Variants in TTC29 observed in about 807,000 individuals in gnomAD.
TTC29 encodes the protein tetratricopeptide repeat domain 29.
A neutral mutation model predicts 58.1 loss-of-function variants in TTC29; 49 were observed. The ratio of observed to expected loss-of-function variants is 0.84; its 90% CI spans 0.67 to 1.07. The LOEUF (loss-of-function observed/expected upper bound fraction) is 1.07, where lower values mean the gene tolerates loss of function less well. Ranked by LOEUF, TTC29 falls within the 50% of genes least tolerant of loss-of-function variation. The pLI is 0.00. For synonymous variants in TTC29, 209 were observed against 196.8 expected, an observed-to-expected ratio of 1.06 and a Z score of -0.52; for missense variants, 582 against 555.6, an observed-to-expected ratio of 1.05 and a Z score of -0.48.
intron 4 of TTC29, among the ~76,000 whole-genome samples, chr4:146,934,693 G>T (rs1010675915): frequency 1.3e-5 from 2 of 152,156 alleles, no homozygotes; most frequent in Non-Finnish European, 2.9e-5. Context: ...AGCCTGCAAA[G>T]AAGACTGAAG....
intron 2 of TTC29, among the ~76,000 whole-genome samples, chr4:146,941,676 T>G (rs1736406441): frequency 6.6e-6 from 1 of 152,156 alleles, no homozygotes; most frequent in African/African-American, 2.4e-5. Context: ...TAGTGTAATG[T>G]CTTGATGGTT....
chr4:146,708,130 C>T (rs992359093), intron 11 of TTC29, among the ~76,000 whole-genome samples: 2 of 151,752 alleles, frequency 1.3e-5, no homozygotes, highest in Non-Finnish European at 2.9e-5. Context: ...CTTCAATTAA[C>T]GTCCAGACGA....
chr4:146,937,166 G>A (rs1210572339), intron 4 of TTC29, among the ~76,000 whole-genome samples: 1 of 151,908 alleles, frequency 6.6e-6, no homozygotes, highest in African/African-American at 2.4e-5. Context: ...ATGATCCATT[G>A]GTTCTTTTGT....
chr4:146,723,338 T>C (rs1388724040), intron 11 of TTC29, among the ~76,000 whole-genome samples: 4 of 151,862 alleles, frequency 2.6e-5, no homozygotes, highest in Non-Finnish European at 1.5e-5. Flanking sequence ...TGGGAAATAA[T>C]TTATGACTCA....
At chr4:146,843,551 GA>G (rs1221185370) in intron 8 of TTC29, among the ~76,000 whole-genome samples, 1 of 152,056 alleles carries the variant, frequency 6.6e-6, no homozygotes, top group African/African-American at 2.4e-5. Flanking sequence ...TGCAAGACAT[GA>G]GCACTAGTTT....
intron 11 of TTC29, among the ~76,000 whole-genome samples, chr4:146,763,316 A>G (rs985745153): frequency 6.6e-6 from 1 of 152,076 alleles, no homozygotes; most frequent in Non-Finnish European, 1.5e-5. Flanking sequence ...TTGAATGAAG[A>G]ATTTTCCTGA....
intron 7 of TTC29, among the ~76,000 whole-genome samples, chr4:146,870,670 C>T (rs1263310932): frequency 1.3e-5 from 2 of 151,786 alleles, no homozygotes; most frequent in Admixed American, 6.6e-5. Flanking sequence ...TAACTGTAGG[C>T]CTCACAGAAA....
At chr4:146,762,247 C>T (rs1746962438) in intron 11 of TTC29, among the ~76,000 whole-genome samples, 1 of 151,930 alleles carries the variant, frequency 6.6e-6, no homozygotes, top group Admixed American at 6.6e-5. Context: ...TGGCCTGATT[C>T]CCAGGGCCTG....
At chr4:146,923,496 A>C (rs1734731251) in intron 4 of TTC29, among the ~76,000 whole-genome samples, 1 of 151,796 alleles carries the variant, frequency 6.6e-6, no homozygotes, top group Non-Finnish European at 1.5e-5. Context: ...CATGATTAAG[A>C]AAAATAGAAA....
intron 8 of TTC29, among the ~76,000 whole-genome samples, chr4:146,838,674 A>G (rs567866241): frequency 1.3e-5 from 2 of 152,122 alleles, no homozygotes; most frequent in East Asian, 1.9e-4. Flanking sequence ...TCTGAACTGC[A>G]TGAGTCTACT....
At chr4:146,944,677 A>C (rs1008579504) in intron 2 of TTC29, among the ~76,000 whole-genome samples, 2 of 152,214 alleles carry the variant, frequency 1.3e-5, no homozygotes, top group African/African-American at 4.8e-5. Flanking sequence ...ATTATACATC[A>C]TCACGAGTTC....
chr4:146,789,915 A>G (rs993364314), intron 11 of TTC29, among the ~76,000 whole-genome samples: 10 of 152,208 alleles, frequency 6.6e-5, no homozygotes, highest in African/African-American at 2.4e-4. Flanking sequence ...AACTGGAATA[A>G]AATCTAAAGT....
intron 11 of TTC29, among the ~76,000 whole-genome samples, chr4:146,763,406 T>C (rs1012103787): frequency 1.3e-5 from 2 of 152,090 alleles, no homozygotes; most frequent in Non-Finnish European, 1.5e-5. Flanking sequence ...TCCAGTTCCA[T>C]GTCAGCCCAC....
chr4:146,828,238 A>T (rs905872935), intron 9 of TTC29, among the ~76,000 whole-genome samples: 10 of 152,182 alleles, frequency 6.6e-5, no homozygotes, highest in African/African-American at 2.4e-4. Flanking sequence ...AGGTTCACCG[A>T]TTATTTTAAT....
chr4:146,936,650 A>G (rs1735845842), intron 4 of TTC29, among the ~76,000 whole-genome samples: 1 of 152,116 alleles, frequency 6.6e-6, no homozygotes, highest in Non-Finnish European at 1.5e-5. Context: ...TTATTGACAA[A>G]ATAAATGACT....
chr4:146,873,227 A>T (rs1731049470), intron 7 of TTC29, among the ~76,000 whole-genome samples: 1 of 152,148 alleles, frequency 6.6e-6, no homozygotes, highest in Non-Finnish European at 1.5e-5. Flanking sequence ...CTCCCTGATC[A>T]AAGTAGGAGA....
intron 11 of TTC29, among the ~76,000 whole-genome samples, chr4:146,732,632 T>C (rs1161448000): frequency 6.6e-6 from 1 of 152,004 alleles, no homozygotes; most frequent in East Asian, 1.9e-4. Context: ...GACAAGACCA[T>C]TGAAGGAGAA....
chr4:146,822,781 T>G (rs967339507), intron 9 of TTC29, among the ~76,000 whole-genome samples: 11 of 152,216 alleles, frequency 7.2e-5, no homozygotes, highest in African/African-American at 9.7e-5. Flanking sequence ...TTCCTGACTT[T>G]TTAATAGTTG....
chr4:146,804,446 T>A (rs532015296), intron 10 of TTC29, among the ~76,000 whole-genome samples: 115 of 152,164 alleles, frequency 7.6e-4, no homozygotes, highest in African/African-American at 2.7e-3. Flanking sequence ...GCTCAGCGAA[T>A]CCCACCTGCA....
Sources: allele counts gnomAD v4.1 joint callset (sites outside exome capture counted in the v4.1 genomes callset), GRCh38; gene constraint gnomAD v4.1.1; transcripts MANE v1.5; gene names NCBI Gene and HGNC (gene_info 2026-07-23, HGNC 2026-07-21).